The following DTHD1 variants were observed in gnomAD, a reference collection of about 807,000 sequenced individuals.
The protein encoded by DTHD1 is death domain containing 1.
A neutral mutation model predicts 74.8 loss-of-function variants in DTHD1; 59 were observed. That is an observed-to-expected ratio of 0.79 (90% confidence interval 0.64 to 0.98). DTHD1 has a LOEUF of 0.98. Ranked by LOEUF, DTHD1 falls within the 50% of genes least tolerant of loss-of-function variation. The pLI is 0.00. For synonymous variants in DTHD1, 365 were observed against 371.1 expected, an observed-to-expected ratio of 0.98 and a Z score of 0.19; for missense variants, 1,051 against 1,065.4, an observed-to-expected ratio of 0.99 and a Z score of 0.19.
chr4:36,304,644 T>A (rs999522784), intron 5 of DTHD1, among the ~76,000 whole-genome samples: 2 of 152,192 alleles, frequency 1.3e-5, no homozygotes, highest in African/African-American at 4.8e-5. Flanking sequence ...GTAGGTAGCA[T>A]CATCAGACTA....
intron 8 of DTHD1, among the ~76,000 whole-genome samples, chr4:36,319,429 T>A (rs1757934003): frequency 6.6e-6 from 1 of 152,250 alleles, no homozygotes. Context: ...GGCTAAGGCA[T>A]CGATGTGGAT....
At position 36,284,382 on chromosome 4, in the gene DTHD1, C is replaced by T; in HGVS notation, c.678C>T (p.His226=). The stretch of plus-strand genomic sequence containing the variant: ...ATGAAGATGATAAACAAATAGAACA[C>T]ATGACTGTTGAGAACATAAATGGCA... The part of the protein sequence containing the change: ...AENEDDKQIE[H]MTVENINGNR... The change falls in exon 2 of 10, where the codon CAC becomes CAT. Residue 226 remains histidine (H), a synonymous_variant. Transcript: ENST00000639862. The T allele has an allele frequency of 2.0e-6, 3 of 1,537,102 alleles. No individual in the cohort carries two copies. In the South Asian group the frequency reaches 3.6e-5, roughly 18 times the overall value.
chr4:36,303,025 C>G (rs10001947), intron 5 of DTHD1, among the ~76,000 whole-genome samples: 32,864 of 152,048 alleles, frequency 0.22, 5,770 homozygotes, highest in African/African-American at 0.48. Flanking sequence ...CACAGATAAA[C>G]TAGCATGACA....
chr4:36,282,097 G>A (rs1578427691), intron 1 of DTHD1, 68 bp downstream of exon 1: 6 of 1,333,502 alleles, frequency 4.5e-6, no homozygotes, highest in Middle Eastern at 5.4e-4. Context: ...TCTGAGAGGG[G>A]CTATGAGTAT....
chr4:36,338,969 G>A lies in DTHD1; in HGVS notation c.2341-143G>A, dbSNP rs143425286. 156 of 597,034 alleles carry A rather than the reference G, an allele frequency of 2.6e-4. No individual in the cohort carries two copies. The African/African-American group carries it at 2.8e-3, about 11-fold the overall frequency. The allele number at this position is 597,034 out of a possible 1,614,324, so 37.0% of individuals were successfully genotyped here. A position where few individuals can be genotyped will look rare whatever the true frequency, so the allele number is the denominator to read the frequency against. ...AGGAAAACAATTGCTGAGCATGCATGCACAAATACAGTATTTAATTTTGCA... is the reference window on the plus strand; with the variant it reads ...AGGAAAACAATTGCTGAGCATGCATACACAAATACAGTATTTAATTTTGCA... On this transcript the variant is annotated intron_variant, in intron 8 of 9. Transcript: ENST00000639862.
Position 36,281,833 on chromosome 4 carries a change from A to G in DTHD1, c.75A>G (p.Leu25=). ...LKQIWRQNQM[L]KQALLGDDLC... ...AGATTTGGAGACAAAACCAGATGCT[A>G]AAGCAGGCACTCTTGGGTGATGACC... Residue 25 remains leucine (L), a synonymous_variant, in exon 1 of 10, where the codon CTA becomes CTG. Coordinates refer to ENST00000639862, the MANE Select transcript of DTHD1 (RefSeq NM_001170700.3). 2.4e-6 allele frequency: 3 copies of G among 1,244,560 alleles called. No individual in the cohort carries two copies. Among genetic ancestry groups the G allele is most frequent in the Non-Finnish European group, 3.0e-6 (3 of 992,870 alleles). 77.1% of individuals were successfully genotyped at this position (1,244,560 alleles called of 1,614,324 possible).
At chr4:36,320,936 A>T (rs6835441) in intron 8 of DTHD1, among the ~76,000 whole-genome samples, 3 of 151,950 alleles carry the variant, frequency 2.0e-5, no homozygotes, top group Non-Finnish European at 4.4e-5. Context: ...GTAAATATTT[A>T]CATATATGTA....
At chr4:36,324,034 G>A (rs1163791711) in intron 8 of DTHD1, among the ~76,000 whole-genome samples, 1 of 152,090 alleles carries the variant, frequency 6.6e-6, no homozygotes, top group African/African-American at 2.4e-5. Flanking sequence ...GAACATGAGG[G>A]GAAAATGAAC....
At chr4:36,343,434 G>A in intron 9 of DTHD1, 68 bp from the exon 10 acceptor site, 1 of 1,412,168 alleles carries the variant, frequency 7.1e-7, no homozygotes, top group Admixed American at 2.4e-5. Context: ...AAACAGGTGT[G>A]GAGGGTTAGA....
At position 36,345,379 on chromosome 4, in the gene DTHD1, T is replaced by G. The variant is rs1759536199; in HGVS notation, c.*1555T>G. 1 of 152,202 alleles carries G rather than the reference T, an allele frequency of 6.6e-6. No homozygotes were observed. Among genetic ancestry groups the G allele is most frequent in the Non-Finnish European group, 1.5e-5 (1 of 68,026 alleles). The allele number at this position is 152,202 out of a possible 1,614,324, so 9.4% of individuals were successfully genotyped here. On this transcript the variant is annotated 3_prime_UTR_variant, in exon 10 of 10. Coordinates refer to ENST00000639862, the MANE Select transcript of DTHD1 (RefSeq NM_001170700.3). Reference sequence around the variant, plus strand: ...CATTGAACTAGTTTCACTGACTCATTAATGCAAAAACCATTAGGTCGTTGG... The same window carrying G: ...CATTGAACTAGTTTCACTGACTCATGAATGCAAAAACCATTAGGTCGTTGG...
chr4:36,299,682 G>A (rs778715723), intron 5 of DTHD1, among the ~76,000 whole-genome samples: 1 of 151,946 alleles, frequency 6.6e-6, no homozygotes, highest in African/African-American at 2.4e-5. Context: ...TTTAAATTCC[G>A]TATTGTTTAC....
At position 36,290,411 on chromosome 4, in the gene DTHD1, T is replaced by C; in HGVS notation, c.926T>C (p.Val309Ala). 1 of 1,551,676 alleles carries C rather than the reference T, an allele frequency of 6.4e-7. No individual in the cohort carries two copies. Among genetic ancestry groups the C allele is most frequent in the Non-Finnish European group, 8.7e-7 (1 of 1,146,758 alleles). Residue 309 changes from valine to alanine, a missense_variant, in exon 3 of 10, where the codon GTG (valine) becomes GCG (alanine). Transcript: ENST00000639862. ...CTGAGTGATGTTACTGGCCCCCAAG[T>C]GTCTTGTTATATTACAGCACCATCA... Reference protein sequence around the residue: ...DVLSDVTGPQVSCYITAPSYV... With the variant: ...DVLSDVTGPQASCYITAPSYV...
chr4:36,337,981 A>T (rs565464364), intron 8 of DTHD1, among the ~76,000 whole-genome samples: 8 of 152,370 alleles, frequency 5.3e-5, no homozygotes, highest in Admixed American at 5.2e-4. Context: ...AACTATGGCA[A>T]GATATCAAAA....
intron 2 of DTHD1, 22 bp from the exon 3 acceptor site, chr4:36,290,351 G>A: frequency 6.6e-7 from 1 of 1,523,402 alleles, no homozygotes; most frequent in Non-Finnish European, 8.8e-7. Flanking sequence ...TTGGAAAAAT[G>A]ACATTCTTTT....
At chr4:36,327,037 T>C (rs1186044036) in intron 8 of DTHD1, among the ~76,000 whole-genome samples, 1 of 151,682 alleles carries the variant, frequency 6.6e-6, no homozygotes, top group Non-Finnish European at 1.5e-5. Flanking sequence ...CATGATCTCA[T>C]CTCACTGCAA....
intron 8 of DTHD1, among the ~76,000 whole-genome samples, chr4:36,322,204 C>G (rs1315532405): frequency 6.6e-6 from 1 of 151,926 alleles, no homozygotes; most frequent in East Asian, 1.9e-4. Flanking sequence ...TCTTCCATAA[C>G]TAGAAAGTAA....
At chr4:36,314,353 C>A (rs190695107) in intron 7 of DTHD1, among the ~76,000 whole-genome samples, 2 of 151,894 alleles carry the variant, frequency 1.3e-5, no homozygotes, top group Admixed American at 6.6e-5. Flanking sequence ...TTACAATAAC[C>A]GAAGGAAGTT....
chr4:36,301,082 T>C (rs1210998784), intron 5 of DTHD1, among the ~76,000 whole-genome samples: 10 of 152,172 alleles, frequency 6.6e-5, no homozygotes, highest in Admixed American at 6.5e-4. Context: ...TTGGAGCAGA[T>C]TTTTTAATCT....
At chr4:36,294,606 G>C (rs1357303220) in intron 4 of DTHD1, among the ~76,000 whole-genome samples, 189 bp from the exon 5 acceptor site, 1 of 151,728 alleles carries the variant, frequency 6.6e-6, no homozygotes, top group Non-Finnish European at 1.5e-5. Flanking sequence ...TTGTAAAAAG[G>C]GCCCTAATAC....
Sources: allele counts gnomAD v4.1 joint callset (sites outside exome capture counted in the v4.1 genomes callset), GRCh38; gene constraint gnomAD v4.1.1; transcripts MANE v1.5; gene names NCBI Gene and HGNC (gene_info 2026-07-23, HGNC 2026-07-21).